TAX1BP1: variants seen among roughly 807,000 people sequenced by gnomAD.
TAX1BP1 encodes the protein tax1-binding protein 1.
In TAX1BP1, 62 loss-of-function variants were observed where a neutral mutation model predicts 97.7. The observed-to-expected ratio is 0.63, with a 90% CI of 0.52 to 0.78. TAX1BP1 has a LOEUF of 0.78. Ranked by LOEUF, TAX1BP1 falls within the 30% of genes least tolerant of loss-of-function variation. The pLI, the probability that TAX1BP1 is intolerant of heterozygous loss-of-function variation, is 0.00. For missense variants in TAX1BP1, 867 were observed against 916.1 expected, an observed-to-expected ratio of 0.95 and a Z score of 0.69; for synonymous variants, 340 against 304.2, an observed-to-expected ratio of 1.12 and a Z score of -1.23.
At chr7:27,806,666 A>C (rs992179494) in intron 13 of TAX1BP1, among the ~76,000 whole-genome samples, 3 of 152,094 alleles carry the variant, frequency 2.0e-5, no homozygotes, top group African/African-American at 7.2e-5. Flanking sequence ...TTTGTAGTCT[A>C]TTTTAATATT....
At chr7:27,769,913 TA>T in intron 5 of TAX1BP1, 79 bp downstream of exon 5, 8 of 1,406,732 alleles carry the variant, frequency 5.7e-6, no homozygotes, top group Non-Finnish European at 7.9e-6. Flanking sequence ...CTGAACCAAT[TA>T]AGTAAGTGAA....
intron 8 of TAX1BP1, among the ~76,000 whole-genome samples, chr7:27,788,973 TC>T (rs1200276664): frequency 1.3e-5 from 2 of 152,000 alleles, no homozygotes; most frequent in African/African-American, 4.8e-5. Context: ...GATTCTTCCT[TC>T]CTTTGCTCCA....
chr7:27,807,067 T>C (rs1013167274), intron 13 of TAX1BP1, among the ~76,000 whole-genome samples: 2 of 152,184 alleles, frequency 1.3e-5, no homozygotes, highest in African/African-American at 4.8e-5. Context: ...TTTTTGAATA[T>C]GGGGCTCTTG....
Position 27,828,865 on chromosome 7 carries a change from A to C in TAX1BP1, c.*36A>C. 2.8e-6 allele frequency: 1 copy of C among 358,220 alleles called. No individual in the cohort carries two copies. Among genetic ancestry groups the C allele is most frequent in the African/African-American group, 4.5e-5 (1 of 22,342 alleles). The allele number at this position is 358,220 out of a possible 1,614,324, so 22.2% of individuals were successfully genotyped here. The stretch of plus-strand genomic sequence containing the variant: ...TTATGAGTTAATATAGTTTAGCAGT[A>C]AAAAAAAAAAAAAAAACCACACCTA... On this transcript the variant is annotated 3_prime_UTR_variant, in exon 17 of 17. Coordinates refer to ENST00000396319, the MANE Select transcript of TAX1BP1 (RefSeq NM_006024.7).
intron 13 of TAX1BP1, among the ~76,000 whole-genome samples, chr7:27,813,987 C>A (rs1410787847): frequency 6.6e-6 from 1 of 151,904 alleles, no homozygotes; most frequent in Non-Finnish European, 1.5e-5. Flanking sequence ...GAAACTGCAA[C>A]TTTAAGCGAA....
chr7:27,827,907 CAT>C (rs1189438507), intron 16 of TAX1BP1, 87 bp downstream of exon 16: 173 of 1,172,386 alleles, frequency 1.5e-4, no homozygotes, highest in Middle Eastern at 7.7e-4. Flanking sequence ...TAGAAATGCA[CAT>C]GTGTAGGGCC....
intron 16 of TAX1BP1, 48 bp from the exon 17 acceptor site, chr7:27,828,580 G>C (rs1355450880): frequency 6.4e-7 from 1 of 1,573,590 alleles, no homozygotes; most frequent in Non-Finnish European, 8.7e-7. Flanking sequence ...ACAAGTTGTT[G>C]TTCTACATTT....
At chr7:27,743,290 G>A (rs528735272) in intron 1 of TAX1BP1, among the ~76,000 whole-genome samples, 2 of 152,330 alleles carry the variant, frequency 1.3e-5, no homozygotes, top group Non-Finnish European at 2.9e-5. Context: ...GGGAGCAGAG[G>A]TCTGTTGAGA....
chr7:27,758,205 G>A (rs1440200178), intron 3 of TAX1BP1, 72 bp downstream of exon 3: 1 of 1,210,248 alleles, frequency 8.3e-7, no homozygotes, highest in East Asian at 2.4e-5. Flanking sequence ...GTACTCCATT[G>A]TAATGATTTG....
chr7:27,823,182 A>G (rs777781796), intron 15 of TAX1BP1, among the ~76,000 whole-genome samples: 1 of 152,224 alleles, frequency 6.6e-6, no homozygotes, highest in Non-Finnish European at 1.5e-5. Context: ...AAGCAATAAC[A>G]TCTCATAAGA....
At chr7:27,756,747 T>C (rs1788232524) in intron 2 of TAX1BP1, among the ~76,000 whole-genome samples, 1 of 152,122 alleles carries the variant, frequency 6.6e-6, no homozygotes. Flanking sequence ...CTAATTTAAT[T>C]CTTCCAACAA....
rs1317768290 is a variant in TAX1BP1, at chr7:27,758,126, A to G, written c.258A>G (p.Ala86=). The G allele has an allele frequency of 2.5e-6, 4 of 1,608,442 alleles. No individual in the cohort carries two copies. The highest frequency in any genetic ancestry group is 2.2e-5 in the East Asian group (1 of 44,620). The change falls in exon 3 of 17, where the codon GCA becomes GCG. Residue 86 remains alanine (A), a synonymous_variant. Transcript: ENST00000396319. ...GATCAACAGTCAATTGTGTACTAGC[A>G]TTCCAAGGTAAGGACTGAAAACTGC... The part of the protein sequence containing the change: ...VEGSTVNCVL[A]FQGYYLPNDD...
Position 27,771,728 on chromosome 7 carries a change from C to T in TAX1BP1, c.612+1894C>T, listed in dbSNP as rs143684125. The stretch of plus-strand genomic sequence containing the variant: ...AACTCTTAAATCTTGATGACAGTCA[C>T]GAATCTTGGAGGAGACTGCTTCTCT... On this transcript the variant is annotated intron_variant, in intron 5 of 16. Coordinates refer to ENST00000396319, the MANE Select transcript of TAX1BP1 (RefSeq NM_006024.7). 9.2e-5 allele frequency among the ~76,000 whole-genome samples: 14 copies of T among 152,044 alleles called. No individual in the cohort carries two copies. In the East Asian group the frequency reaches 1.4e-3, roughly 15 times the overall value.
At chr7:27,792,286 A>C in intron 9 of TAX1BP1, 56 bp downstream of exon 9, 315 of 1,426,880 alleles carry the variant, frequency 2.2e-4, no homozygotes, top group Non-Finnish European at 2.7e-4. Context: ...CTATAATCTC[A>C]CAAAGTAGTA....
chr7:27,779,854 A>G (rs1789185971), intron 5 of TAX1BP1, among the ~76,000 whole-genome samples: 1 of 152,200 alleles, frequency 6.6e-6, no homozygotes, highest in Admixed American at 6.5e-5. Flanking sequence ...CGTGATAGAA[A>G]CTTGGTCACT....
At chr7:27,825,875 C>T (rs1343318845) in intron 15 of TAX1BP1, among the ~76,000 whole-genome samples, 3 of 151,946 alleles carry the variant, frequency 2.0e-5, no homozygotes, top group Admixed American at 1.3e-4. Context: ...AAATATTTGT[C>T]GTTAAAAATT....
At chr7:27,816,788 C>T in intron 14 of TAX1BP1, 102 bp from the exon 15 acceptor site, 3 of 1,404,360 alleles carry the variant, frequency 2.1e-6, no homozygotes, top group Admixed American at 2.4e-5. Flanking sequence ...ATTTTTTTCA[C>T]ATGCCAAAGT....
At chr7:27,803,198 T>TA in intron 13 of TAX1BP1, 2 of 1,510,520 alleles carry the variant, frequency 1.3e-6, no homozygotes, top group Non-Finnish European at 1.8e-6. Context: ...GCAATGTAGT[T>TA]AAACAAATGT....
chr7:27,813,889 G>C (rs1451151253), intron 13 of TAX1BP1, among the ~76,000 whole-genome samples: 2 of 149,066 alleles, frequency 1.3e-5, no homozygotes, highest in Non-Finnish European at 3.0e-5. Context: ...TTTATGTGTA[G>C]TTTTTTTTTT....
Sources: allele counts gnomAD v4.1 joint callset (sites outside exome capture counted in the v4.1 genomes callset), GRCh38; gene constraint gnomAD v4.1.1; transcripts MANE v1.5; gene names NCBI Gene and HGNC (gene_info 2026-07-23, HGNC 2026-07-21).